Variants in KCNIP4 observed in about 807,000 individuals in gnomAD.
KCNIP4 encodes the protein potassium voltage-gated channel interacting protein 4, also known as Kv channel-interacting protein 4.
In KCNIP4, 12 loss-of-function variants were observed where a neutral mutation model predicts 34.0. That is an observed-to-expected ratio of 0.35 (90% CI 0.23 to 0.57). The LOEUF (loss-of-function observed/expected upper bound fraction) is 0.57, where lower values mean the gene tolerates loss of function less well. KCNIP4 is among the 20% of genes least tolerant of loss of function. KCNIP4 has a pLI of 0.83. For synonymous variants in KCNIP4, 124 were observed against 102.2 expected (o/e 1.21, Z -1.29); for missense variants, 238 against 311.7 (o/e 0.76, Z 1.78).
intron 5 of KCNIP4, among the ~76,000 whole-genome samples, chr4:20,748,908 A>G (rs1418864776): frequency 6.7e-6 from 1 of 149,740 alleles, no homozygotes; most frequent in African/African-American, 2.4e-5. Context: ...ATATATATAT[A>G]TATATATATG....
intron 1 of KCNIP4, among the ~76,000 whole-genome samples, chr4:21,078,179 C>T (rs1318243091): frequency 2.0e-5 from 3 of 151,714 alleles, no homozygotes; most frequent in African/African-American, 7.3e-5. Flanking sequence ...TGAGAAAAAG[C>T]CACACTTCAA....
chr4:20,790,796 G>C (rs748230448), intron 3 of KCNIP4, among the ~76,000 whole-genome samples: 63 of 152,132 alleles, frequency 4.1e-4, no homozygotes, highest in Non-Finnish European at 6.8e-4. Flanking sequence ...TTGGAGAATA[G>C]ACAACATGTC....
intron 1 of KCNIP4, among the ~76,000 whole-genome samples, chr4:21,210,814 G>T (rs1291409835): frequency 6.6e-6 from 1 of 152,028 alleles, no homozygotes; most frequent in Non-Finnish European, 1.5e-5. Context: ...AATATGTAAA[G>T]AGCTAAAGAG....
chr4:20,805,453 T>C (rs1714959607), intron 3 of KCNIP4, among the ~76,000 whole-genome samples: 1 of 152,170 alleles, frequency 6.6e-6, no homozygotes, highest in African/African-American at 2.4e-5. Context: ...TCATCTGTTA[T>C]CTCTTCACCA....
intron 1 of KCNIP4, among the ~76,000 whole-genome samples, chr4:21,302,184 T>G (rs1711809507): frequency 6.6e-6 from 1 of 152,124 alleles, no homozygotes. Context: ...AAGGAAAGAC[T>G]TCATAGAGGT....
chr4:21,414,619 C>T lies in KCNIP4; in HGVS notation c.62-531910G>A, dbSNP rs967020356. ...AATAATTGAAATAGGATCTTAAAGA[C>T]ATATTAGCACTCCCATGTTCATTGC... On this transcript the variant is annotated intron_variant, in intron 1 of 8. Coordinates refer to ENST00000382152, the MANE Select transcript of KCNIP4 (RefSeq NM_025221.6). Among the ~76,000 whole-genome samples, 5 of 152,238 alleles carry T rather than the reference C, an allele frequency of 3.3e-5. No individual in the cohort carries two copies. In the Middle Eastern group the frequency reaches 0.014, roughly 414 times the overall value.
chr4:21,495,892 A>C (rs1237612667), intron 1 of KCNIP4, among the ~76,000 whole-genome samples: 1 of 152,188 alleles, frequency 6.6e-6, no homozygotes, highest in East Asian at 1.9e-4. Flanking sequence ...CAGCATCAGA[A>C]GTAACTGGAA....
At chr4:21,486,659 T>C (rs2109848911) in intron 1 of KCNIP4, among the ~76,000 whole-genome samples, 1 of 152,320 alleles carries the variant, frequency 6.6e-6, no homozygotes. Context: ...ATTTCTTTAT[T>C]TTTTAAGTTT....
intron 1 of KCNIP4, among the ~76,000 whole-genome samples, chr4:21,128,606 G>C (rs185404537): frequency 1.5e-4 from 23 of 152,236 alleles, no homozygotes; most frequent in African/African-American, 2.9e-4. Flanking sequence ...GCCTAGAAAA[G>C]GGCTTGCCAC....
intron 1 of KCNIP4, among the ~76,000 whole-genome samples, chr4:21,750,550 T>A (rs1168376300): frequency 6.6e-6 from 1 of 152,162 alleles, no homozygotes; most frequent in African/African-American, 2.4e-5. Context: ...AACATGAACA[T>A]CCTTTGAGGA....
At chr4:21,911,691 T>C (rs912466109) in intron 1 of KCNIP4, among the ~76,000 whole-genome samples, 2 of 149,306 alleles carry the variant, frequency 1.3e-5, no homozygotes, top group African/African-American at 4.9e-5. Flanking sequence ...GCTAGACCCC[T>C]GCCCAGTATC....
intron 1 of KCNIP4, among the ~76,000 whole-genome samples, chr4:21,125,168 CT>C (rs199743249): frequency 1.1e-5 from 1 of 94,538 alleles, no homozygotes; most frequent in Non-Finnish European, 2.5e-5. Flanking sequence ...AGCAGGAGGG[CT>C]TTTTTTATTT....
At chr4:21,117,638 C>T (rs1749806638) in intron 1 of KCNIP4, among the ~76,000 whole-genome samples, 1 of 152,184 alleles carries the variant, frequency 6.6e-6, no homozygotes, top group Admixed American at 6.6e-5. Flanking sequence ...CTTAGTCTAA[C>T]TCCCTTTTTC....
intron 1 of KCNIP4, among the ~76,000 whole-genome samples, chr4:21,938,922 T>C (rs1730041116): frequency 6.6e-6 from 1 of 152,124 alleles, no homozygotes. Flanking sequence ...ATATAGGAGG[T>C]GATTGATAAA....
intron 1 of KCNIP4, among the ~76,000 whole-genome samples, chr4:21,761,320 C>T (rs1381955836): frequency 6.6e-6 from 1 of 152,040 alleles, no homozygotes; most frequent in Non-Finnish European, 1.5e-5. Context: ...ATAGACAGTC[C>T]TTCTTTGTGT....
In KCNIP4 at chr4:21,694,306, G is replaced by A. The variant is rs115252386; in HGVS notation, c.61+254265C>T. On this transcript the variant is annotated intron_variant, in intron 1 of 8. Coordinates refer to ENST00000382152, the MANE Select transcript of KCNIP4 (RefSeq NM_025221.6). ...CCCCATCTAGAATTGAATATGATAT[G>A]GTACATCAAGAGGCAGATCTCAAGC... Among the ~76,000 whole-genome samples, 1,286 of 152,076 alleles carry A rather than the reference G, an allele frequency of 8.5e-3. 18 individuals carry two copies. The highest frequency in any genetic ancestry group is 0.03 in the African/African-American group (1,235 of 41,498).
chr4:21,562,813 A>G (rs1016347172), intron 1 of KCNIP4, among the ~76,000 whole-genome samples: 3 of 152,056 alleles, frequency 2.0e-5, no homozygotes, highest in African/African-American at 7.2e-5. Flanking sequence ...CTAAATATGA[A>G]AAAGTGTTGT....
At position 20,812,946 on chromosome 4, in the gene KCNIP4, T is replaced by C. The variant is rs920311332; in HGVS notation, c.288+37597A>G. Among the ~76,000 whole-genome samples, 6 of 152,134 alleles carry C rather than the reference T, an allele frequency of 3.9e-5. No individual in the cohort carries two copies. In the South Asian group the frequency reaches 1.2e-3, roughly 32 times the overall value. On this transcript the variant is annotated intron_variant, in intron 3 of 8. Transcript: ENST00000382152. Reference sequence around the variant, plus strand: ...TTGTTTGTGTGTGAGTGTGTGTGTGTGTGTGTGTAATCAAACAATAAAGAA... The same window carrying C: ...TTGTTTGTGTGTGAGTGTGTGTGTGCGTGTGTGTAATCAAACAATAAAGAA...
At chr4:21,621,558 A>G (rs1171131371) in intron 1 of KCNIP4, among the ~76,000 whole-genome samples, 1 of 152,062 alleles carries the variant, frequency 6.6e-6, no homozygotes, top group African/African-American at 2.4e-5. Context: ...GGGTATCACC[A>G]TGTTGCCCAG....
Sources: gnomAD v4.1 joint callset for allele counts (sites outside exome capture counted in the v4.1 genomes callset) on GRCh38, gnomAD v4.1.1 for gene constraint, MANE v1.5 for transcripts, NCBI Gene and HGNC (gene_info 2026-07-23, HGNC 2026-07-21) for gene names.